Variants in PDE10A observed in about 807,000 individuals in gnomAD.
PDE10A encodes cAMP and cAMP-inhibited cGMP 3',5'-cyclic phosphodiesterase 10A.
A neutral mutation model predicts 97.7 loss-of-function variants in PDE10A; 39 were observed. The observed-to-expected ratio is 0.40, with a 90% CI of 0.31 to 0.52. The LOEUF is 0.52. Among genes scored for constraint, PDE10A ranks in the 20% least tolerant of loss-of-function variants. The pLI is 0.56. For synonymous variants in PDE10A, 371 were observed against 376.8 expected (o/e 0.98, Z 0.18); for missense variants, 731 against 1,047.8 (o/e 0.70, Z 4.17).
At chr6:165,779,576 A>G (rs1171449181) in intron 1 of PDE10A, among the ~76,000 whole-genome samples, 2 of 152,188 alleles carry the variant, frequency 1.3e-5, no homozygotes, top group African/African-American at 4.8e-5. Context: ...AAATCATAAA[A>G]TGTTACTTGC....
rs114477527 is a variant in PDE10A, at chr6:165,655,343, C to A, written c.865+6604G>T. Among the ~76,000 whole-genome samples, 1,032 of 152,278 alleles carry A rather than the reference C, an allele frequency of 6.8e-3. 15 individuals carry two copies. The highest frequency in any genetic ancestry group is 0.024 in the African/African-American group (977 of 41,540). On this transcript the variant is annotated intron_variant, in intron 1 of 21. Coordinates refer to ENST00000539869, the MANE Select transcript of PDE10A (RefSeq NM_001385079.1). This position sits in a 1 kb window ranked among gnomAD's most constrained non-coding sequence, Gnocchi z 4.5. The stretch of plus-strand genomic sequence containing the variant: ...TAGCATATGCATCTCAGGCTGAACA[C>A]CACCAAACGCCACGCCTGATTCCTT...
chr6:165,840,012 TC>T (rs1780209886), intron 1 of PDE10A, among the ~76,000 whole-genome samples: 1 of 4,038 alleles, frequency 2.5e-4, no homozygotes, highest in East Asian at 7.5e-3. Context: ...ATCTCCATCC[TC>T]ATCTGCATCC....
chr6:165,584,786 G>C (rs941865757), intron 1 of PDE10A, among the ~76,000 whole-genome samples: 1 of 152,154 alleles, frequency 6.6e-6, no homozygotes, highest in African/African-American at 2.4e-5. Flanking sequence ...AGGCAGGACT[G>C]TTAATGACCC....
chr6:165,517,300 C>G (rs1781868662), intron 2 of PDE10A, among the ~76,000 whole-genome samples: 1 of 152,102 alleles, frequency 6.6e-6, no homozygotes, highest in Non-Finnish European at 1.5e-5. Context: ...TAAATAGACT[C>G]AAAAGACTCA....
chr6:165,377,493 C>A (rs1784679146), intron 18 of PDE10A, among the ~76,000 whole-genome samples: 1 of 152,098 alleles, frequency 6.6e-6, no homozygotes, highest in Admixed American at 6.5e-5. Context: ...TTTAAACATG[C>A]ACCACTACCA....
intron 2 of PDE10A, among the ~76,000 whole-genome samples, chr6:165,500,596 A>AT (rs1323678220): frequency 6.6e-6 from 1 of 152,184 alleles, no homozygotes; most frequent in Admixed American, 6.5e-5. Context: ...AAAGCCAGGT[A>AT]TTGTCCAAGG....
At chr6:165,928,387 T>C (rs1199749989) in intron 1 of PDE10A, among the ~76,000 whole-genome samples, 1 of 152,200 alleles carries the variant, frequency 6.6e-6, no homozygotes, top group Admixed American at 6.5e-5. Flanking sequence ...CAGTCTTACG[T>C]GGTTTCTGCA....
intron 1 of PDE10A, among the ~76,000 whole-genome samples, chr6:165,852,741 A>G (rs1382338577): frequency 6.6e-6 from 1 of 152,150 alleles, no homozygotes. Context: ...CGGGTGAGAT[A>G]CAGCTGCAGC....
intron 16 of PDE10A, among the ~76,000 whole-genome samples, 192 bp downstream of exon 16, chr6:165,392,454 C>T (rs556439344): frequency 6.6e-6 from 1 of 152,208 alleles, no homozygotes; most frequent in Admixed American, 6.5e-5. Context: ...TTTCTTTTAT[C>T]TACATTTCTT....
intron 1 of PDE10A, among the ~76,000 whole-genome samples, chr6:165,880,810 A>C (rs1027914616): frequency 2.6e-5 from 4 of 152,242 alleles, no homozygotes; most frequent in Non-Finnish European, 5.9e-5. Flanking sequence ...AAATGCTACA[A>C]GTGATTTATC....
chr6:165,787,622 G>A (rs1232500278), intron 1 of PDE10A, among the ~76,000 whole-genome samples: 1 of 152,184 alleles, frequency 6.6e-6, no homozygotes, highest in Non-Finnish European at 1.5e-5. Context: ...TCGTAGGAGT[G>A]ATTACTCAGC....
At chr6:165,563,184 G>A (rs919238711) in intron 1 of PDE10A, among the ~76,000 whole-genome samples, 1 of 146,892 alleles carries the variant, frequency 6.8e-6, no homozygotes, top group African/African-American at 2.5e-5. Flanking sequence ...GAGGGGGAGG[G>A]GCAGGGGAGA....
At chr6:165,699,412 T>C (rs372873015) in intron 1 of PDE10A, among the ~76,000 whole-genome samples, 150 of 152,276 alleles carry the variant, frequency 9.9e-4, no homozygotes, top group African/African-American at 3.5e-3. Flanking sequence ...AATACCCCAA[T>C]TTTAATAATG....
chr6:165,550,789 T>G (rs774757476), intron 1 of PDE10A, among the ~76,000 whole-genome samples: 1 of 152,188 alleles, frequency 6.6e-6, no homozygotes, highest in Non-Finnish European at 1.5e-5. Flanking sequence ...ATGGGCTACA[T>G]GAGCAGACAG....
chr6:165,389,214 T>C (rs1301447254), intron 16 of PDE10A, among the ~76,000 whole-genome samples: 1 of 152,200 alleles, frequency 6.6e-6, no homozygotes, highest in African/African-American at 2.4e-5. Flanking sequence ...GGGGAACTAT[T>C]ATTACACGGT....
At chr6:165,464,018 C>T (rs912788196) in intron 3 of PDE10A, among the ~76,000 whole-genome samples, 1 of 152,196 alleles carries the variant, frequency 6.6e-6, no homozygotes, top group African/African-American at 2.4e-5. Flanking sequence ...GACTGGCTTG[C>T]TGTTAATAAA....
chr6:165,634,606 T>C (rs777275725), intron 1 of PDE10A, among the ~76,000 whole-genome samples: 22 of 151,992 alleles, frequency 1.4e-4, no homozygotes, highest in Non-Finnish European at 2.8e-4. Context: ...GGTAGGGAAG[T>C]AAAACAGAAG....
chr6:165,725,797 T>C (rs1380451572), intron 1 of PDE10A, among the ~76,000 whole-genome samples: 3 of 152,182 alleles, frequency 2.0e-5, no homozygotes, highest in East Asian at 3.9e-4. Context: ...TAAAGACACA[T>C]TCTTTCTGCC....
chr6:165,635,213 T>C (rs1788817614), intron 1 of PDE10A, among the ~76,000 whole-genome samples: 1 of 152,112 alleles, frequency 6.6e-6, no homozygotes, highest in Admixed American at 6.5e-5. Flanking sequence ...ATCACTCTAA[T>C]TGAGAGATGA....
Sources: gnomAD v4.1 joint callset for allele counts (sites outside exome capture counted in the v4.1 genomes callset) on GRCh38, gnomAD v4.1.1 for gene constraint, Gnocchi (gnomAD v3.1) non-coding constraint, MANE v1.5 for transcripts, NCBI Gene and HGNC (gene_info 2026-07-23, HGNC 2026-07-21) for gene names.